ZNF793: variants seen among roughly 807,000 people sequenced by gnomAD.
ZNF793 encodes zinc finger protein 793.
Under a neutral mutation model 12.4 loss-of-function variants are expected in ZNF793, and 5 were observed. The observed-to-expected ratio is 0.40, with a 90% CI of 0.21 to 0.84. The LOEUF (loss-of-function observed/expected upper bound fraction) is 0.84. ZNF793 is among the 40% of genes least tolerant of loss of function. The pLI is 0.35. For missense variants in ZNF793, 456 were observed against 495.0 expected (o/e 0.92, Z 0.75); for synonymous variants, 162 against 172.4 (o/e 0.94, Z 0.47).
At chr19:37,525,360 G>A (rs1477898635) in intron 5 of ZNF793, among the ~76,000 whole-genome samples, 2 of 150,994 alleles carry the variant, frequency 1.3e-5, no homozygotes, top group Admixed American at 6.6e-5. Context: ...GGATGGTCTC[G>A]ATCTCCTGAC....
At chr19:37,522,989 A>G (rs989605143) in intron 4 of ZNF793, among the ~76,000 whole-genome samples, 1 of 152,140 alleles carries the variant, frequency 6.6e-6, no homozygotes. Context: ...TTTGAAACAA[A>G]TAAGAGATAA....
chr19:37,512,530 T>C, intron 2 of ZNF793, among the ~76,000 whole-genome samples: 1 of 151,610 alleles, frequency 6.6e-6, no homozygotes, highest in East Asian at 1.9e-4. Context: ...ATAATAATAC[T>C]AACAATAATA....
chr19:37,527,195 C>T (rs547829411), intron 5 of ZNF793, among the ~76,000 whole-genome samples: 1 of 152,030 alleles, frequency 6.6e-6, no homozygotes, highest in Non-Finnish European at 1.5e-5. Flanking sequence ...GTGATCCACC[C>T]GCCTATGTGC....
intron 5 of ZNF793, among the ~76,000 whole-genome samples, chr19:37,529,535 C>T (rs2042441298): frequency 6.6e-6 from 1 of 152,132 alleles, no homozygotes; most frequent in Middle Eastern, 3.2e-3. Context: ...TTCTATCACC[C>T]AGGGTAGAGT....
intron 5 of ZNF793, among the ~76,000 whole-genome samples, chr19:37,527,772 T>C (rs1030167973): frequency 3.3e-5 from 5 of 152,156 alleles, no homozygotes; most frequent in African/African-American, 1.2e-4. Flanking sequence ...CTCATAGAAC[T>C]CACTGAAAGC....
At chr19:37,514,611 T>TAGATAGATAGATAGAC (rs908672263) in intron 2 of ZNF793, among the ~76,000 whole-genome samples, 3 of 144,010 alleles carry the variant, frequency 2.1e-5, no homozygotes, top group Non-Finnish European at 4.5e-5. Context: ...GATAGATAGA[T>TAGATAGATAGATAGAC]AGACTCTTCC....
At position 37,538,137 on chromosome 19, in the gene ZNF793, G is replaced by C. The variant is rs560342328; in HGVS notation, c.*258G>C. 1.8e-4 allele frequency: 65 copies of C among 352,908 alleles called. No individual in the cohort carries two copies. The highest frequency in any genetic ancestry group is 6.5e-4 in the African/African-American group (31 of 47,614). 21.9% of individuals were successfully genotyped at this position (352,908 alleles called of 1,614,324 possible). On this transcript the variant is annotated 3_prime_UTR_variant, in exon 8 of 8. Transcript: ENST00000627814. ...TCACCGTGTTAGCCAGGATGGTCTC[G>C]ATCTCCTGACCTTGTGATCTGCCCG...
chr19:37,522,906 G>A (rs901314248), intron 4 of ZNF793, among the ~76,000 whole-genome samples: 1 of 152,182 alleles, frequency 6.6e-6, no homozygotes, highest in Non-Finnish European at 1.5e-5. Context: ...GTCTTGGGGT[G>A]TGGGGCATTT....
chr19:37,512,168 A>G (rs956323268), intron 2 of ZNF793, among the ~76,000 whole-genome samples: 1 of 152,148 alleles, frequency 6.6e-6, no homozygotes, highest in African/African-American at 2.4e-5. Context: ...CCACACACAT[A>G]AGAGATTATT....
Position 37,537,959 on chromosome 19 carries a change from T to G in ZNF793, c.*80T>G. 7.0e-7 allele frequency: 1 copy of G among 1,419,824 alleles called. No homozygotes were observed. The highest frequency in any genetic ancestry group is 9.2e-7 in the Non-Finnish European group (1 of 1,082,808). 88.0% of individuals were successfully genotyped at this position (1,419,824 alleles called of 1,614,324 possible). On this transcript the variant is annotated 3_prime_UTR_variant, in exon 8 of 8. Coordinates refer to ENST00000627814, the MANE Select transcript of ZNF793 (RefSeq NM_001013659.3). Reference sequence around the variant, plus strand: ...TGGAATCTCACTTTGTCACCCAGGCTGGAGTGCAGTGGCGCGATCTCGGCT... The same window carrying G: ...TGGAATCTCACTTTGTCACCCAGGCGGGAGTGCAGTGGCGCGATCTCGGCT...
At chr19:37,506,520 C>A (rs1168712888), upstream of ZNF793, 1 of 152,174 alleles carries the variant, frequency 6.6e-6, no homozygotes, top group East Asian at 1.9e-4. Context: ...CATAGGGGAG[C>A]TCCTAGGAGA....
intron 5 of ZNF793, among the ~76,000 whole-genome samples, chr19:37,531,131 T>C (rs1208061024): frequency 6.6e-6 from 1 of 151,998 alleles, no homozygotes; most frequent in African/African-American, 2.4e-5. Context: ...TTGGATGGAG[T>C]TTCCATTGTC....
chr19:37,537,660 A>G lies in ZNF793; in HGVS notation c.1002A>G (p.Thr334=), dbSNP rs779709556. 1.9e-6 allele frequency: 3 copies of G among 1,613,752 alleles called. No homozygotes were observed. The highest frequency in any genetic ancestry group is 3.3e-5 in the Admixed American group (2 of 60,002). The part of the protein sequence containing the change: ...SYLNVHRKMH[T]GERPYRCREC... ...TCAATGTACATCGAAAAATGCACAC[A>G]GGAGAAAGACCGTATCGTTGCAGAG... The change falls in exon 8 of 8, where the codon ACA becomes ACG. Residue 334 remains threonine (T), a synonymous_variant. Coordinates refer to ENST00000627814, the MANE Select transcript of ZNF793 (RefSeq NM_001013659.3).
intron 2 of ZNF793, among the ~76,000 whole-genome samples, chr19:37,516,574 G>A (rs140516226): frequency 2.0e-5 from 3 of 152,142 alleles, no homozygotes; most frequent in African/African-American, 4.8e-5. Flanking sequence ...CTGAGATGGT[G>A]CCCATCAGAT....
intron 2 of ZNF793, among the ~76,000 whole-genome samples, chr19:37,518,425 G>T (rs1425479697): frequency 6.6e-6 from 1 of 151,996 alleles, no homozygotes; most frequent in Non-Finnish European, 1.5e-5. Flanking sequence ...ATGGCACCTG[G>T]CCTCCACTAC....
intron 7 of ZNF793, chr19:37,534,165 C>G (rs541429263): frequency 1.3e-5 from 2 of 152,162 alleles, no homozygotes; most frequent in African/African-American, 2.4e-5. Context: ...GTCAGCCTCC[C>G]GTTTTTCCAG....
intron 5 of ZNF793, among the ~76,000 whole-genome samples, chr19:37,528,964 C>T (rs1325806847): frequency 6.6e-6 from 1 of 152,134 alleles, no homozygotes; most frequent in East Asian, 1.9e-4. Flanking sequence ...CACATGTCCA[C>T]GTGGTCCCCA....
chr19:37,540,265 CAAAAAAAAA>C lies in ZNF793; in HGVS notation c.*2397_*2405del, dbSNP rs10686444. ...CTGGGTGACAAGAGCGAAACTCCGT[CAAAAAAAAA>C]AAAAAAAAAAGAAAACTTCAGACCA... On this transcript the variant is annotated 3_prime_UTR_variant, in exon 8 of 8. Transcript: ENST00000627814. The C allele has an allele frequency of 2.6e-4, 25 of 97,426 alleles. No individual in the cohort carries two copies. Among genetic ancestry groups the C allele is most frequent in the Non-Finnish European group, 3.5e-4 (18 of 51,078 alleles). The allele number at this position is 97,426 out of a possible 1,614,324, so 6.0% of individuals were successfully genotyped here.
At chr19:37,523,555 G>A (rs2042391094) in intron 5 of ZNF793, 101 bp downstream of exon 5, 3 of 1,183,130 alleles carry the variant, frequency 2.5e-6, no homozygotes, top group Admixed American at 1.9e-5. Flanking sequence ...GTACATACAG[G>A]CTGGGTTCTC....
Sources: allele counts gnomAD v4.1 joint callset (sites outside exome capture counted in the v4.1 genomes callset), GRCh38; gene constraint gnomAD v4.1.1; transcripts MANE v1.5; gene names NCBI Gene and HGNC (gene_info 2026-07-23, HGNC 2026-07-21).